Variants in LARGE1 observed in about 807,000 individuals in gnomAD.
LARGE1 encodes LARGE xylosyl- and glucuronyltransferase 1.
LARGE1 carries 43 observed loss-of-function variants against 87.6 expected under a neutral mutation model. The ratio of observed to expected loss-of-function variants is 0.49; its 90% CI spans 0.38 to 0.63. The LOEUF is 0.63. LARGE1 is among the 30% of genes least tolerant of loss of function. The probability of loss-of-function intolerance (pLI) is 0.00; values close to 1 mark genes in which losing one functional copy is unlikely to be tolerated. For synonymous variants in LARGE1, 434 were observed against 394.6 expected, an observed-to-expected ratio of 1.10 and a Z score of -1.18; for missense variants, 802 against 1,000.2, an observed-to-expected ratio of 0.80 and a Z score of 2.67.
At chr22:33,443,237 G>A (rs1349751315) in intron 6 of LARGE1, among the ~76,000 whole-genome samples, 1 of 152,204 alleles carries the variant, frequency 6.6e-6, no homozygotes, top group East Asian at 1.9e-4. Context: ...GTAGGGGATT[G>A]CATTCCCACC....
the LARGE1 span, among the ~76,000 whole-genome samples, chr22:33,106,801 A>T: frequency 6.6e-6 from 1 of 152,166 alleles, no homozygotes; most frequent in African/African-American, 2.4e-5. Context: ...CAGCCACACC[A>T]TTACTTTTAA....
the LARGE1 span, among the ~76,000 whole-genome samples, chr22:33,087,913 AAC>A: frequency 6.6e-6 from 1 of 152,304 alleles, no homozygotes; most frequent in South Asian, 2.1e-4. Context: ...CAGCCTGGGC[AAC>A]AGAGTGAAAC....
At chr22:33,553,110 T>C (rs2283915) in intron 6 of LARGE1, among the ~76,000 whole-genome samples, 72,883 of 151,944 alleles carry the variant, frequency 0.48, 17,842 homozygotes, top group Admixed American at 0.56. Flanking sequence ...TTTTTGGAAA[T>C]GTGTTTACTC....
intron 7 of LARGE1, among the ~76,000 whole-genome samples, chr22:33,406,984 G>A (rs2066125616): frequency 6.6e-6 from 1 of 151,932 alleles, no homozygotes; most frequent in South Asian, 2.1e-4. Context: ...GCAGAGACGG[G>A]GTTTCACCAT....
At chr22:33,794,409 G>C (rs1204463188) in intron 1 of LARGE1, among the ~76,000 whole-genome samples, 1 of 152,184 alleles carries the variant, frequency 6.6e-6, no homozygotes, top group African/African-American at 2.4e-5. Context: ...TTTAAAGCCA[G>C]AACTGCTCTC....
chr22:33,580,032 T>C (rs1226758667), intron 5 of LARGE1, among the ~76,000 whole-genome samples: 1 of 152,028 alleles, frequency 6.6e-6, no homozygotes, highest in African/African-American at 2.4e-5. Context: ...CAAGCTGGAG[T>C]GTGGCAATTC....
the LARGE1 span, among the ~76,000 whole-genome samples, chr22:33,100,270 C>T: frequency 6.7e-6 from 1 of 149,504 alleles, no homozygotes; most frequent in Non-Finnish European, 1.5e-5. Context: ...ATCGCTTGAA[C>T]CCAGGAGGCA....
intron 6 of LARGE1, among the ~76,000 whole-genome samples, chr22:33,511,966 C>A (rs555051462): frequency 1.3e-5 from 2 of 152,192 alleles, no homozygotes; most frequent in Non-Finnish European, 2.9e-5. Flanking sequence ...GGAAAGGGAA[C>A]TGTTTACTTG....
intron 6 of LARGE1, among the ~76,000 whole-genome samples, chr22:33,452,001 G>A (rs968413933): frequency 1.6e-4 from 25 of 152,156 alleles, no homozygotes; most frequent in African/African-American, 6.0e-4. Flanking sequence ...TCTTCACAAG[G>A]AGTCAGAGAT....
chr22:33,122,811 T>C, the LARGE1 span, among the ~76,000 whole-genome samples: 3 of 152,306 alleles, frequency 2.0e-5, no homozygotes, highest in Admixed American at 6.5e-5. Flanking sequence ...TAAAGCCAAA[T>C]TGGACATGGA....
chr22:33,613,174 A>T (rs923020925), intron 4 of LARGE1, among the ~76,000 whole-genome samples: 4 of 152,190 alleles, frequency 2.6e-5, no homozygotes, highest in Non-Finnish European at 5.9e-5. Flanking sequence ...CGGGCTAACT[A>T]TCAGCAGCTT....
At chr22:33,755,434 GT>G (rs2084476135) in intron 2 of LARGE1, among the ~76,000 whole-genome samples, 1 of 152,158 alleles carries the variant, frequency 6.6e-6, no homozygotes, top group South Asian at 2.1e-4. Context: ...TGTGTGAAGA[GT>G]TTTCTGAACG....
At chr22:33,641,252 C>A (rs958660480) in intron 3 of LARGE1, among the ~76,000 whole-genome samples, 1 of 152,164 alleles carries the variant, frequency 6.6e-6, no homozygotes, top group Non-Finnish European at 1.5e-5. Flanking sequence ...CCCAGGCAAA[C>A]AGGGTATGGA....
At chr22:33,373,157 G>A (rs2064875686) in intron 9 of LARGE1, among the ~76,000 whole-genome samples, 1 of 152,190 alleles carries the variant, frequency 6.6e-6, no homozygotes, top group East Asian at 1.9e-4. Context: ...CAAGTTGCCT[G>A]TAATTAGAAG....
intron 11 of LARGE1, among the ~76,000 whole-genome samples, chr22:33,217,732 T>C (rs1925275381): frequency 6.6e-6 from 1 of 152,138 alleles, no homozygotes; most frequent in Non-Finnish European, 1.5e-5. Context: ...ATTCCTTAAA[T>C]AATTTACTGT....
intron 6 of LARGE1, among the ~76,000 whole-genome samples, chr22:33,509,642 G>A (rs1489056226): frequency 6.6e-6 from 1 of 151,882 alleles, no homozygotes; most frequent in African/African-American, 2.4e-5. Context: ...GGTACAGATA[G>A]GGTCTTGCTA....
At chr22:33,488,653 C>T (rs1262763444) in intron 6 of LARGE1, among the ~76,000 whole-genome samples, 2 of 152,112 alleles carry the variant, frequency 1.3e-5, no homozygotes, top group Admixed American at 1.3e-4. Flanking sequence ...ATACAGAATC[C>T]ATTCCCTTAA....
Position 33,579,778 on chromosome 22 carries a change from C to T in LARGE1, c.616-14759G>A, listed in dbSNP as rs373271178. On this transcript the variant is annotated intron_variant, in intron 5 of 14. Coordinates refer to ENST00000397394, the MANE Select transcript of LARGE1 (RefSeq NM_133642.5). ...TGTTGTTTTGTGTTACCAACAGTAC[C>T]AAGTGATTCTTAGGTGCAATCAAGC... is the stretch of plus-strand genomic sequence containing the variant. Among the ~76,000 whole-genome samples the T allele has an allele frequency of 3.4e-4, 51 of 152,218 alleles. No homozygotes were observed. The East Asian group carries it at 9.5e-3, about 28-fold the overall frequency.
chr22:33,393,831 G>A (rs2065619368), intron 7 of LARGE1, among the ~76,000 whole-genome samples: 1 of 152,228 alleles, frequency 6.6e-6, no homozygotes, highest in Admixed American at 6.5e-5. Context: ...TACAGCTGTT[G>A]TGCTGGGAGC....
Sources: allele counts gnomAD v4.1 joint callset (sites outside exome capture counted in the v4.1 genomes callset), GRCh38; gene constraint gnomAD v4.1.1; transcripts MANE v1.5; gene names NCBI Gene and HGNC (gene_info 2026-07-23, HGNC 2026-07-21).